Variants in FGGY observed in about 807,000 individuals in gnomAD.
FGGY encodes the protein FGGY carbohydrate kinase domain-containing protein.
A neutral mutation model predicts 71.3 loss-of-function variants in FGGY; 72 were observed. The observed-to-expected ratio is 1.01, with a 90% CI of 0.84 to 1.23. The LOEUF (loss-of-function observed/expected upper bound fraction) is 1.23. Ranked by LOEUF, FGGY falls within the 50% of genes most tolerant of loss-of-function variation. FGGY has a pLI of 0.00. For missense variants in FGGY, 668 were observed against 682.3 expected (o/e 0.98, Z 0.23); for synonymous variants, 251 against 250.3 (o/e 1.00, Z -0.02).
chr1:59,538,184 G>T (rs2095367943), intron 7 of FGGY, among the ~76,000 whole-genome samples: 1 of 152,136 alleles, frequency 6.6e-6, no homozygotes, highest in South Asian at 2.1e-4. Context: ...GTGGGCGAGG[G>T]ACATAAACAG....
At chr1:59,332,491 T>C (rs954977256) in intron 2 of FGGY, among the ~76,000 whole-genome samples, 3 of 152,126 alleles carry the variant, frequency 2.0e-5, no homozygotes, top group Admixed American at 2.0e-4. Context: ...GGGTGAGGGG[T>C]TGGGAATGGC....
intron 9 of FGGY, among the ~76,000 whole-genome samples, chr1:59,611,544 G>T (rs1233226408): frequency 6.6e-6 from 1 of 152,068 alleles, no homozygotes; most frequent in Non-Finnish European, 1.5e-5. Flanking sequence ...CCACAAAGAT[G>T]GGGAAAAAAC....
chr1:59,509,651 A>G (rs1410655908), intron 6 of FGGY, among the ~76,000 whole-genome samples: 1 of 152,006 alleles, frequency 6.6e-6, no homozygotes, highest in Non-Finnish European at 1.5e-5. Flanking sequence ...GTCCTTGCTC[A>G]AGACGCATCC....
At chr1:59,333,096 G>T (rs72664521) in intron 2 of FGGY, among the ~76,000 whole-genome samples, 160 of 152,310 alleles carry the variant, frequency 1.1e-3, no homozygotes, top group Admixed American at 3.1e-3. Flanking sequence ...AGAAGTGGTG[G>T]AGTTGGCACC....
In FGGY at chr1:59,735,095, G is replaced by A. The variant is rs2098088601; in HGVS notation, c.1513-22836G>A. On this transcript the variant is annotated intron_variant, in intron 14 of 15. Transcript: ENST00000303721. ...TCCAAGGCACAAAGACCAGGTGATG[G>A]TGGGGCAGGGGTAGAGAGAGGGATG... 2.0e-5 allele frequency among the ~76,000 whole-genome samples: 3 copies of A among 152,202 alleles called. No individual in the cohort carries two copies. In the South Asian group the frequency reaches 6.2e-4, roughly 32 times the overall value.
intron 9 of FGGY, among the ~76,000 whole-genome samples, chr1:59,617,315 T>A (rs1020845636): frequency 2.6e-5 from 4 of 152,082 alleles, no homozygotes; most frequent in African/African-American, 9.7e-5. Context: ...CCATGGATTT[T>A]AAAAAAAGAT....
At chr1:59,348,579 T>C (rs2052602234) in intron 4 of FGGY, among the ~76,000 whole-genome samples, 1 of 152,176 alleles carries the variant, frequency 6.6e-6, no homozygotes, top group Non-Finnish European at 1.5e-5. Flanking sequence ...CTAATGAGCA[T>C]GACCTGCTGT....
At chr1:59,591,459 C>G (rs1212671401) in intron 8 of FGGY, among the ~76,000 whole-genome samples, 1 of 151,874 alleles carries the variant, frequency 6.6e-6, no homozygotes, top group Admixed American at 6.6e-5. Flanking sequence ...CATATGGAAC[C>G]AAAAAAGAGC....
chr1:59,581,795 G>T (rs1254495732), intron 8 of FGGY, among the ~76,000 whole-genome samples: 1 of 150,126 alleles, frequency 6.7e-6, no homozygotes, highest in African/African-American at 2.5e-5. Context: ...TACCCAGCTA[G>T]TAAGTAGCAG....
intron 9 of FGGY, among the ~76,000 whole-genome samples, chr1:59,611,181 G>A (rs1451432774): frequency 6.6e-6 from 1 of 152,210 alleles, no homozygotes; most frequent in African/African-American, 2.4e-5. Context: ...TCCCAGCACA[G>A]GGATTGAGAT....
At position 59,751,314 on chromosome 1, in the gene FGGY, T is replaced by C. The variant is rs182693062; in HGVS notation, c.1513-6617T>C. 1.8e-3 allele frequency among the ~76,000 whole-genome samples: 278 copies of C among 152,282 alleles called. 2 individuals carry two copies. The highest frequency in any genetic ancestry group is 6.4e-3 in the African/African-American group (265 of 41,552). ...GAGTACAAAGCTTAAACCAGTAAAATGGCAATGGCAGTGGTAGTCGGCCCC... is the reference window on the plus strand; with the variant it reads ...GAGTACAAAGCTTAAACCAGTAAAACGGCAATGGCAGTGGTAGTCGGCCCC... On this transcript the variant is annotated intron_variant, in intron 14 of 15. Transcript: ENST00000303721.
At chr1:59,588,580 C>T in intron 8 of FGGY, among the ~76,000 whole-genome samples, 1 of 152,196 alleles carries the variant, frequency 6.6e-6, no homozygotes, top group South Asian at 2.1e-4. Flanking sequence ...ATCAGACTAA[C>T]AGCAGATCTC....
intron 4 of FGGY, among the ~76,000 whole-genome samples, chr1:59,376,994 G>A (rs2058738828): frequency 6.6e-6 from 1 of 152,248 alleles, no homozygotes; most frequent in African/African-American, 2.4e-5. Context: ...GTTCCATTTG[G>A]GTCCTGATTC....
intron 7 of FGGY, among the ~76,000 whole-genome samples, chr1:59,550,289 G>A (rs993698147): frequency 3.3e-5 from 5 of 151,970 alleles, no homozygotes; most frequent in African/African-American, 1.2e-4. Flanking sequence ...ATGTTTCTCC[G>A]GAAAGAAGAA....
intron 7 of FGGY, among the ~76,000 whole-genome samples, chr1:59,538,228 AAC>A (rs1160625111): frequency 6.6e-6 from 1 of 152,194 alleles, no homozygotes; most frequent in Non-Finnish European, 1.5e-5. Flanking sequence ...ATGCAGCCAA[AAC>A]ACACATGAAA....
intron 7 of FGGY, among the ~76,000 whole-genome samples, chr1:59,529,443 T>C (rs1475239185): frequency 6.6e-6 from 1 of 152,128 alleles, no homozygotes; most frequent in African/African-American, 2.4e-5. Flanking sequence ...GGATAGCCTT[T>C]GAATGAATCT....
At chr1:59,666,293 A>C (rs183557636) in intron 12 of FGGY, among the ~76,000 whole-genome samples, 3 of 152,196 alleles carry the variant, frequency 2.0e-5, no homozygotes, top group Admixed American at 1.3e-4. Flanking sequence ...CTTGCTACCC[A>C]CCAAAAAATC....
intron 11 of FGGY, among the ~76,000 whole-genome samples, chr1:59,647,651 G>A (rs952360455): frequency 5.9e-5 from 9 of 151,804 alleles, no homozygotes; most frequent in African/African-American, 1.9e-4. Context: ...TAGGGCTGAG[G>A]TCCCTGTTTC....
At chr1:59,438,203 G>A (rs980870584) in intron 5 of FGGY, among the ~76,000 whole-genome samples, 10 of 152,198 alleles carry the variant, frequency 6.6e-5, no homozygotes, top group African/African-American at 2.2e-4. Flanking sequence ...GTTTCAGAGA[G>A]TTGCCCAAGA....
Sources: gnomAD v4.1 joint callset for allele counts (sites outside exome capture counted in the v4.1 genomes callset) on GRCh38, gnomAD v4.1.1 for gene constraint, MANE v1.5 for transcripts, NCBI Gene and HGNC (gene_info 2026-07-23, HGNC 2026-07-21) for gene names.